RELN: variants seen among roughly 807,000 people sequenced by gnomAD.
The protein encoded by RELN is reelin.
In RELN, 108 loss-of-function variants were observed where a neutral mutation model predicts 427.6. The observed-to-expected ratio is 0.25, with a 90% CI of 0.22 to 0.30. The LOEUF is 0.30. RELN is among the 10% of genes least tolerant of loss of function. RELN has a pLI of 1.00. For synonymous variants in RELN, 1,524 were observed against 1,513.4 expected, an observed-to-expected ratio of 1.01 and a Z score of -0.16; for missense variants, 3,715 against 4,302.8, an observed-to-expected ratio of 0.86 and a Z score of 3.82.
At chr7:103,590,761 C>T (rs565102921) in intron 27 of RELN, among the ~76,000 whole-genome samples, 2 of 152,238 alleles carry the variant, frequency 1.3e-5, no homozygotes, top group African/African-American at 4.8e-5. Context: ...AAAAATACAA[C>T]TTAAATCCCA....
chr7:103,515,431 T>C lies in RELN; in HGVS notation c.7873A>G (p.Ile2625Val). The C allele has an allele frequency of 6.2e-7, 1 of 1,614,040 alleles. No individual in the cohort carries two copies. Among genetic ancestry groups the C allele is most frequent in the Non-Finnish European group, 8.5e-7 (1 of 1,180,028 alleles). Residue 2625 changes from isoleucine to valine, a missense_variant, in exon 50 of 65, where the codon ATC (isoleucine) becomes GTC (valine). Around this residue, in one of 4 missense-constraint regions of RELN, gnomAD observed 1,310 missense variants for 1,643.0 expected, o/e 0.80. Transcript: ENST00000428762. ...DQYSKPGFVN[I>V]LLPPDAKEIA... is the part of the protein sequence containing the mutation. ...TCTTTAGCATCAGGAGGGAGAAGGA[T>C]ATTCACAAATCTATAGGAAAATGAT... is the stretch of plus-strand genomic sequence containing the variant.
intron 20 of RELN, among the ~76,000 whole-genome samples, chr7:103,627,367 T>C (rs1832351613): frequency 6.6e-6 from 1 of 152,122 alleles, no homozygotes; most frequent in Non-Finnish European, 1.5e-5. Context: ...TTTAATATTG[T>C]AACAAGTATT....
intron 6 of RELN, among the ~76,000 whole-genome samples, chr7:103,741,694 G>A (rs985758493): frequency 6.6e-6 from 1 of 151,604 alleles, no homozygotes; most frequent in African/African-American, 2.4e-5. Flanking sequence ...AGACAGGGAG[G>A]GAGGGAAAGA....
In RELN at chr7:103,941,157, C is replaced by G; in HGVS notation, c.227-23972G>C. ...TACAATTTCTCTAAGACATACTACC[C>G]CTCAGAAGAGCTTAGACTTCCATAA... On this transcript the variant is annotated intron_variant, in intron 1 of 64. Coordinates refer to ENST00000428762, the MANE Select transcript of RELN (RefSeq NM_005045.4). Among the ~76,000 whole-genome samples, 2 of 152,116 alleles carry G rather than the reference C, an allele frequency of 1.3e-5. 1 individual carries two copies. Among genetic ancestry groups the G allele is most frequent in the Non-Finnish European group, 2.9e-5 (2 of 68,036 alleles).
chr7:103,534,758 G>A (rs1360260484), intron 46 of RELN, among the ~76,000 whole-genome samples: 5 of 152,074 alleles, frequency 3.3e-5, no homozygotes, highest in Non-Finnish European at 7.4e-5. Context: ...ATTTTATTAA[G>A]CCCTGATCCC....
At chr7:103,914,377 A>G (rs1229683946) in intron 2 of RELN, among the ~76,000 whole-genome samples, 1 of 152,118 alleles carries the variant, frequency 6.6e-6, no homozygotes, top group African/African-American at 2.4e-5. Flanking sequence ...ATGACAAATG[A>G]TAGTTCCTTA....
chr7:103,749,979 T>TGG (rs34011659), intron 5 of RELN, among the ~76,000 whole-genome samples: 9 of 150,260 alleles, frequency 6.0e-5, no homozygotes, highest in African/African-American at 2.2e-4. Flanking sequence ...TGAGATTTGA[T>TGG]GGTTTTTTTT....
chr7:103,588,738 CA>C (rs1011775562), intron 28 of RELN, among the ~76,000 whole-genome samples: 17 of 152,062 alleles, frequency 1.1e-4, no homozygotes, highest in Non-Finnish European at 2.1e-4. Context: ...AACCAGTCTC[CA>C]AATATAAGCA....
At chr7:103,496,995 A>G (rs1434605019) in intron 55 of RELN, among the ~76,000 whole-genome samples, 1 of 152,230 alleles carries the variant, frequency 6.6e-6, no homozygotes, top group East Asian at 1.9e-4. Flanking sequence ...CAAAATAAAA[A>G]CACTGAAGTA....
intron 1 of RELN, among the ~76,000 whole-genome samples, chr7:103,928,250 C>G (rs539320577): frequency 6.6e-6 from 1 of 152,242 alleles, no homozygotes; most frequent in South Asian, 2.1e-4. Flanking sequence ...TCTGTAAGTG[C>G]CAATTTGATC....
intron 58 of RELN, 89 bp downstream of exon 58, chr7:103,491,854 TCTCACACACA>T (rs1262981047): frequency 2.9e-5 from 11 of 377,964 alleles, no homozygotes; most frequent in South Asian, 7.9e-5. Flanking sequence ...TCTCTCTCTC[TCTCACACACA>T]CACACACACA....
intron 8 of RELN, 88 bp downstream of exon 8, chr7:103,723,052 A>G: frequency 1.3e-6 from 1 of 798,968 alleles, no homozygotes; most frequent in Non-Finnish European, 2.2e-6. Context: ...TAAATCCAAA[A>G]GCATCTGGCA....
At chr7:103,515,545 T>G (rs899351676) in intron 49 of RELN, 104 bp from the exon 50 acceptor site, 281 of 1,432,908 alleles carry the variant, frequency 2.0e-4, no homozygotes, top group Non-Finnish European at 2.6e-4. Context: ...TGTCACATGG[T>G]GGGTGAGGGA....
chr7:103,962,976 G>A (rs1796589141), intron 1 of RELN, among the ~76,000 whole-genome samples: 1 of 152,064 alleles, frequency 6.6e-6, no homozygotes, highest in African/African-American at 2.4e-5. Flanking sequence ...ACTGGGGAAA[G>A]GTTGAGAAAA....
chr7:103,924,156 G>A (rs556892814), intron 1 of RELN, among the ~76,000 whole-genome samples: 1 of 152,206 alleles, frequency 6.6e-6, no homozygotes, highest in South Asian at 2.1e-4. Flanking sequence ...TTCCTGGAAG[G>A]CAGTGCTTCC....
chr7:103,482,070 C>A (rs1828260718), intron 63 of RELN: 1 of 152,196 alleles, frequency 6.6e-6, no homozygotes, highest in East Asian at 1.9e-4. Flanking sequence ...CAAAACAAAT[C>A]TGGTAGTTTT....
intron 3 of RELN, among the ~76,000 whole-genome samples, chr7:103,776,910 T>C (rs1189883270): frequency 6.6e-6 from 1 of 152,152 alleles, no homozygotes. Flanking sequence ...ATAAAAAGTA[T>C]GGAGAGGAGG....
At chr7:103,859,959 T>C (rs1415699643) in intron 2 of RELN, among the ~76,000 whole-genome samples, 1 of 152,154 alleles carries the variant, frequency 6.6e-6, no homozygotes, top group African/African-American at 2.4e-5. Context: ...TTAACATTCC[T>C]CAAATCCCCA....
At chr7:103,496,398 T>C (rs546775609) in intron 56 of RELN, 128 bp downstream of exon 56, 1 of 1,294,828 alleles carries the variant, frequency 7.7e-7, no homozygotes, top group African/African-American at 1.5e-5. Flanking sequence ...AAATAACAGC[T>C]AACATTTGTT....
Sources: allele counts gnomAD v4.1 joint callset (sites outside exome capture counted in the v4.1 genomes callset), GRCh38; gene constraint gnomAD v4.1.1; regional missense constraint gnomAD v4.1.1; transcripts MANE v1.5; gene names NCBI Gene and HGNC (gene_info 2026-07-23, HGNC 2026-07-21).